The following CEP128 variants were observed in gnomAD, a reference collection of about 807,000 sequenced individuals.
CEP128 encodes the protein centrosomal protein 128kDa.
A neutral mutation model predicts 156.7 loss-of-function variants in CEP128; 132 were observed. The ratio of observed to expected loss-of-function variants is 0.84; its 90% CI spans 0.73 to 0.97. The LOEUF (loss-of-function observed/expected upper bound fraction) is 0.97. Ranked by LOEUF, CEP128 falls within the 50% of genes least tolerant of loss-of-function variation. CEP128 has a pLI of 0.00. For synonymous variants in CEP128, 469 were observed against 448.9 expected (o/e 1.04, Z -0.57); for missense variants, 1,252 against 1,281.9 (o/e 0.98, Z 0.36).
intron 24 of CEP128, among the ~76,000 whole-genome samples, chr14:80,500,796 A>T (rs1377852952): frequency 1.3e-5 from 2 of 151,804 alleles, no homozygotes; most frequent in Non-Finnish European, 2.9e-5. Context: ...CTCACCCCAT[A>T]CTCCCAATAT....
intron 19 of CEP128, among the ~76,000 whole-genome samples, chr14:80,651,132 C>T (rs1052891200): frequency 5.3e-5 from 8 of 152,076 alleles, no homozygotes; most frequent in Non-Finnish European, 1.0e-4. Flanking sequence ...CAACTTCTTC[C>T]TTTTAGAATT....
At chr14:80,633,993 T>A (rs1398037214) in intron 19 of CEP128, among the ~76,000 whole-genome samples, 6 of 152,226 alleles carry the variant, frequency 3.9e-5, no homozygotes, top group Non-Finnish European at 1.5e-5. Context: ...AAGCCATGCA[T>A]ATCTTCCTTA....
chr14:80,775,615 T>C (rs1417011509), intron 16 of CEP128, among the ~76,000 whole-genome samples: 1 of 152,242 alleles, frequency 6.6e-6, no homozygotes, highest in Admixed American at 6.5e-5. Flanking sequence ...TCCCACTATG[T>C]GTTAGCCAAC....
At chr14:80,751,168 C>T (rs1324039761) in intron 18 of CEP128, among the ~76,000 whole-genome samples, 2 of 152,132 alleles carry the variant, frequency 1.3e-5, no homozygotes, top group Non-Finnish European at 2.9e-5. Flanking sequence ...TGTGGTATTT[C>T]GTTATGGCAG....
At chr14:80,655,227 A>T (rs1297272081) in intron 19 of CEP128, among the ~76,000 whole-genome samples, 1 of 152,236 alleles carries the variant, frequency 6.6e-6, no homozygotes, top group Non-Finnish European at 1.5e-5. Context: ...ATAAAATATT[A>T]AAACTTCCTT....
intron 19 of CEP128, among the ~76,000 whole-genome samples, chr14:80,612,265 A>G (rs1285498905): frequency 2.6e-5 from 4 of 152,194 alleles, no homozygotes; most frequent in Non-Finnish European, 5.9e-5. Context: ...TTATGTTAAA[A>G]TCATCTCAGA....
intron 19 of CEP128, among the ~76,000 whole-genome samples, chr14:80,643,404 A>G (rs10150384): frequency 0.35 from 53,651 of 151,872 alleles, 11,206 homozygotes; most frequent in African/African-American, 0.58. Flanking sequence ...GTGCAACACA[A>G]CTAAGCAATG....
chr14:80,714,328 A>T (rs1897523832), intron 19 of CEP128, among the ~76,000 whole-genome samples: 1 of 151,972 alleles, frequency 6.6e-6, no homozygotes, highest in Non-Finnish European at 1.5e-5. Context: ...ACACACATAC[A>T]CACACACTTA....
chr14:80,723,697 T>C (rs1417318878), intron 19 of CEP128, among the ~76,000 whole-genome samples: 1 of 152,180 alleles, frequency 6.6e-6, no homozygotes, highest in Non-Finnish European at 1.5e-5. Flanking sequence ...TAAACACTTC[T>C]CATCTCCTTC....
chr14:80,909,204 T>C (rs1884064282), intron 4 of CEP128, among the ~76,000 whole-genome samples: 1 of 152,162 alleles, frequency 6.6e-6, no homozygotes, highest in Non-Finnish European at 1.5e-5. Context: ...CATAATATTA[T>C]TTTTTACTTT....
chr14:80,548,313 C>T (rs904200074), intron 21 of CEP128, among the ~76,000 whole-genome samples: 2 of 152,040 alleles, frequency 1.3e-5, no homozygotes, highest in African/African-American at 2.4e-5. Flanking sequence ...TAATAATTTT[C>T]AGCTAAAGAT....
chr14:80,944,839 A>G (rs1235364388), upstream of CEP128, among the ~76,000 whole-genome samples: 1 of 118,552 alleles, frequency 8.4e-6, no homozygotes, highest in African/African-American at 3.7e-5. Flanking sequence ...AAAAAAAAAA[A>G]AAAAAAAAAA....
intron 2 of CEP128, chr14:80,955,576 C>T: frequency 7.1e-7 from 1 of 1,407,680 alleles, no homozygotes; most frequent in Non-Finnish European, 1.0e-6. Context: ...CCTCTTCCCA[C>T]CCCTCCCGCT....
At chr14:80,548,417 TC>T (rs905371566) in intron 21 of CEP128, among the ~76,000 whole-genome samples, 4 of 152,290 alleles carry the variant, frequency 2.6e-5, no homozygotes, top group South Asian at 4.1e-4. Context: ...AATATACTAT[TC>T]CCCCCACTAT....
chr14:80,903,778 G>A (rs2139436736), intron 6 of CEP128, among the ~76,000 whole-genome samples: 1 of 152,042 alleles, frequency 6.6e-6, no homozygotes, highest in East Asian at 1.9e-4. Context: ...GAAAATCCAA[G>A]TTAAAACCAC....
At chr14:80,784,441 T>C (rs1163914977) in intron 15 of CEP128, among the ~76,000 whole-genome samples, 7 of 152,162 alleles carry the variant, frequency 4.6e-5, no homozygotes, top group African/African-American at 1.7e-4. Context: ...CCAGGCAACT[T>C]TGATTTGGAA....
intron 16 of CEP128, among the ~76,000 whole-genome samples, chr14:80,771,486 G>A (rs1343474976): frequency 3.3e-5 from 5 of 152,114 alleles, no homozygotes; most frequent in South Asian, 2.1e-4. Context: ...ATAAGAAAAC[G>A]ATTTCAAGTG....
chr14:80,670,636 GA>G (rs1300894023), intron 19 of CEP128, among the ~76,000 whole-genome samples: 3 of 152,138 alleles, frequency 2.0e-5, no homozygotes, highest in East Asian at 1.9e-4. Context: ...GAAATAGTGT[GA>G]GGGGGGTGAG....
intron 15 of CEP128, among the ~76,000 whole-genome samples, chr14:80,779,505 G>A (rs1391917866): frequency 6.6e-6 from 1 of 152,066 alleles, no homozygotes; most frequent in Non-Finnish European, 1.5e-5. Flanking sequence ...TTTTCTTTAT[G>A]TCCTAACAAA....
Sources: allele counts gnomAD v4.1 joint callset (sites outside exome capture counted in the v4.1 genomes callset), GRCh38; gene constraint gnomAD v4.1.1; transcripts MANE v1.5; gene names NCBI Gene and HGNC (gene_info 2026-07-23, HGNC 2026-07-21).